TUT7: variants seen among roughly 807,000 people sequenced by gnomAD.
The protein encoded by TUT7 is terminal uridylyltransferase 7.
A neutral mutation model predicts 165.9 loss-of-function variants in TUT7; 33 were observed. The ratio of observed to expected loss-of-function variants is 0.20; its 90% confidence interval spans 0.15 to 0.27. The LOEUF is 0.27. Ranked by LOEUF, TUT7 falls within the 10% of genes least tolerant of loss-of-function variation. The probability of loss-of-function intolerance (pLI) is 1.00; values close to 1 mark genes in which losing one functional copy is unlikely to be tolerated. For missense variants in TUT7, 1,338 were observed against 1,762.3 expected, an observed-to-expected ratio of 0.76 and a Z score of 4.31; for synonymous variants, 552 against 608.1, an observed-to-expected ratio of 0.91 and a Z score of 1.36.
intron 16 of TUT7, among the ~76,000 whole-genome samples, chr9:86,318,698 G>C (rs1369674872): frequency 6.6e-6 from 1 of 152,184 alleles, no homozygotes; most frequent in Non-Finnish European, 1.5e-5. Context: ...ACACTGAAGA[G>C]GCTGGTTTGG....
chr9:86,305,163 A>T (rs745684112), intron 23 of TUT7, 29 bp downstream of exon 23: 1 of 1,567,936 alleles, frequency 6.4e-7, no homozygotes, highest in Non-Finnish European at 8.7e-7. Context: ...GTAAAATAAA[A>T]AATAAAATTG....
chr9:86,329,109 G>C (rs986583754), intron 10 of TUT7, among the ~76,000 whole-genome samples: 1 of 152,202 alleles, frequency 6.6e-6, no homozygotes. Flanking sequence ...TAAATTTTAT[G>C]TGCTATTAAT....
At position 86,347,560 on chromosome 9, in the gene TUT7, T is replaced by G. The variant is rs562628881; in HGVS notation, c.521-1080A>C. Among the ~76,000 whole-genome samples the G allele has an allele frequency of 5.9e-5, 9 of 152,208 alleles. No individual in the cohort carries two copies. The South Asian group carries it at 1.9e-3, about 32-fold the overall frequency. On this transcript the variant is annotated intron_variant, in intron 2 of 26. Coordinates refer to ENST00000375963, the MANE Select transcript of TUT7 (RefSeq NM_024617.4). Reference sequence around the variant, plus strand: ...AAAAGGAAATATAGGACCTCCAATTTTATAAAAAGCTTGCTGAGAGCGCTA... The same window carrying G: ...AAAAGGAAATATAGGACCTCCAATTGTATAAAAAGCTTGCTGAGAGCGCTA...
chr9:86,339,495 G>A (rs935114998), intron 8 of TUT7, among the ~76,000 whole-genome samples: 1 of 152,178 alleles, frequency 6.6e-6, no homozygotes, highest in African/African-American at 2.4e-5. Flanking sequence ...TCCAGCCTGG[G>A]CAACAGAGCG....
rs575792550 is a variant in TUT7, at chr9:86,288,315, GT to G, written c.*361del. The G allele has an allele frequency of 2.4e-4, 38 of 157,188 alleles. No homozygotes were observed. The highest frequency in any genetic ancestry group is 4.5e-4 in the Non-Finnish European group (32 of 71,482). 9.7% of individuals were successfully genotyped at this position (157,188 alleles called of 1,614,324 possible). On this transcript the variant is annotated 3_prime_UTR_variant, in exon 27 of 27. Transcript: ENST00000375963. The stretch of plus-strand genomic sequence containing the variant: ...AAAAATGGATTTATACGGAAAAAGG[GT>G]TAATTTACTTGGGGTTTATCAGCAC...
chr9:86,333,839 T>A lies in TUT7; in HGVS notation c.1455+3580A>T, dbSNP rs551886526. Among the ~76,000 whole-genome samples the A allele has an allele frequency of 9.9e-5, 15 of 152,240 alleles. No homozygotes were observed. The East Asian group carries it at 2.9e-3, about 29-fold the overall frequency. Reference sequence around the variant, plus strand: ...AGGCTTTTAGGGTGAGGTTTTATGTTTATCTGGCTAGGAGTTAGGATGTTT... The same window carrying A: ...AGGCTTTTAGGGTGAGGTTTTATGTATATCTGGCTAGGAGTTAGGATGTTT... On this transcript the variant is annotated intron_variant, in intron 10 of 26. Transcript: ENST00000375963.
At chr9:86,335,980 G>A (rs751547337) in intron 10 of TUT7, among the ~76,000 whole-genome samples, 5 of 152,004 alleles carry the variant, frequency 3.3e-5, no homozygotes, top group Non-Finnish European at 7.4e-5. Flanking sequence ...CATAGGAAAG[G>A]GTATCCATAC....
At chr9:86,302,211 C>T (rs79964945) in intron 25 of TUT7, among the ~76,000 whole-genome samples, 2,775 of 152,136 alleles carry the variant, frequency 0.018, 50 homozygotes, top group Non-Finnish European at 0.027. Context: ...ACAACGTATC[C>T]CAAGGCAAGC....
intron 26 of TUT7, among the ~76,000 whole-genome samples, chr9:86,300,640 T>C (rs2131299001): frequency 6.6e-6 from 1 of 152,306 alleles, no homozygotes; most frequent in African/African-American, 2.4e-5. Context: ...AATGGCCAAT[T>C]TGTATTTAAC....
At chr9:86,312,182 T>TC (rs1220806439) in intron 17 of TUT7, among the ~76,000 whole-genome samples, 1 of 150,256 alleles carries the variant, frequency 6.7e-6, no homozygotes, top group Middle Eastern at 3.3e-3. Flanking sequence ...GAGGAGCGCC[T>TC]CTTCCCGGCC....
At chr9:86,329,330 C>T (rs1164718839) in intron 10 of TUT7, among the ~76,000 whole-genome samples, 9 of 152,034 alleles carry the variant, frequency 5.9e-5, no homozygotes, top group East Asian at 1.9e-4. Context: ...TCGAGACCAG[C>T]CTGACCAACA....
rs192106844 is a variant in TUT7, at chr9:86,300,336, A to G, written c.4420+940T>C. Among the ~76,000 whole-genome samples, 6 of 152,342 alleles carry G rather than the reference A, an allele frequency of 3.9e-5. No homozygotes were observed. In the East Asian group the frequency reaches 1.2e-3, roughly 29 times the overall value. On this transcript the variant is annotated intron_variant, in intron 26 of 26. Coordinates refer to ENST00000375963, the MANE Select transcript of TUT7 (RefSeq NM_024617.4). ...GAAGAGAGGTATTCTTGTTCCAAGA[A>G]CTATACACATGGAGTATTTTAGGGA...
At chr9:86,324,516 C>T (rs1755369799) in intron 12 of TUT7, 1 of 152,490 alleles carries the variant, frequency 6.6e-6, no homozygotes, top group Non-Finnish European at 1.5e-5. Context: ...AAGAGCTGAG[C>T]CACAGAAACT....
intron 26 of TUT7, among the ~76,000 whole-genome samples, chr9:86,300,171 C>A (rs970204060): frequency 6.6e-6 from 1 of 152,122 alleles, no homozygotes; most frequent in Non-Finnish European, 1.5e-5. Context: ...TTAAACCCTA[C>A]TCTAAAAATA....
chr9:86,305,139 A>G, intron 23 of TUT7, 53 bp downstream of exon 23: 1 of 1,489,538 alleles, frequency 6.7e-7, no homozygotes, highest in Non-Finnish European at 9.1e-7. Context: ...TCTATTATAA[A>G]AGTAAATACA....
intron 2 of TUT7, among the ~76,000 whole-genome samples, chr9:86,349,537 C>G (rs372372530): frequency 2.0e-5 from 3 of 151,960 alleles, no homozygotes; most frequent in African/African-American, 4.8e-5. Flanking sequence ...TAATGTAGAG[C>G]TGAAAAAAAC....
intron 17 of TUT7, among the ~76,000 whole-genome samples, chr9:86,313,288 G>C (rs544723678): frequency 6.6e-6 from 1 of 152,262 alleles, no homozygotes; most frequent in African/African-American, 2.4e-5. Context: ...ACCAGGAACA[G>C]AGGCAGGGTG....
chr9:86,333,347 C>T (rs1830489006), intron 10 of TUT7, among the ~76,000 whole-genome samples: 1 of 152,054 alleles, frequency 6.6e-6, no homozygotes, highest in Non-Finnish European at 1.5e-5. Flanking sequence ...TTTTTTCTTT[C>T]TCCTCTTGGT....
At chr9:86,322,583 G>A in intron 13 of TUT7, 108 bp from the exon 14 acceptor site, 3 of 1,371,504 alleles carry the variant, frequency 2.2e-6, no homozygotes, top group South Asian at 1.5e-5. Context: ...CTTTCCAAAG[G>A]AAATGAAAAT....
Sources: allele counts gnomAD v4.1 joint callset (sites outside exome capture counted in the v4.1 genomes callset), GRCh38; gene constraint gnomAD v4.1.1; transcripts MANE v1.5; gene names NCBI Gene and HGNC (gene_info 2026-07-23, HGNC 2026-07-21).